The following RBL2 variants were observed in gnomAD, a reference collection of about 807,000 sequenced individuals.
The protein encoded by RBL2 is RB transcriptional corepressor like 2, also known as retinoblastoma-like protein 2.
In RBL2, 56 loss-of-function variants were observed where a neutral mutation model predicts 126.0. That is an observed-to-expected ratio of 0.44 (90% CI 0.36 to 0.56). RBL2 has a LOEUF of 0.56. RBL2 is among the 20% of genes least tolerant of loss of function. The pLI, the probability that RBL2 is intolerant of heterozygous loss-of-function variation, is 0.00. For missense variants in RBL2, 1,229 were observed against 1,398.2 expected (o/e 0.88, Z 1.93); for synonymous variants, 454 against 478.5 (o/e 0.95, Z 0.67).
intron 17 of RBL2, among the ~76,000 whole-genome samples, chr16:53,478,777 A>G (rs1289215179): frequency 1.3e-5 from 2 of 152,044 alleles, no homozygotes; most frequent in African/African-American, 4.8e-5. Context: ...ATGTGCCACC[A>G]TGCCCGGCTA....
At chr16:53,457,277 T>TTTTTTTTTTTTTTTTTTTTTTTTG (rs1213898728) in intron 8 of RBL2, among the ~76,000 whole-genome samples, 2 of 139,878 alleles carry the variant, frequency 1.4e-5, no homozygotes, top group African/African-American at 2.7e-5. Flanking sequence ...TTTTTTTTTT[T>TTTTTTTTTTTTTTTTTTTTTTTTG]GAGATGGAGT....
In RBL2 at chr16:53,472,142, A is replaced by C. The variant is rs541712774; in HGVS notation, c.2703+1220A>C. On this transcript the variant is annotated intron_variant, in intron 17 of 21. Coordinates refer to ENST00000262133, the MANE Select transcript of RBL2 (RefSeq NM_005611.4). ...GATATTCCATTGTATGGATAGGCAC[A>C]ATTTTTTTCTCCACTCATACACTGA... is the stretch of plus-strand genomic sequence containing the variant. Among the ~76,000 whole-genome samples the C allele has an allele frequency of 2.6e-5, 4 of 152,234 alleles. No homozygotes were observed. The East Asian group carries it at 7.7e-4, about 29-fold the overall frequency.
At position 53,477,285 on chromosome 16, in the gene RBL2, G is replaced by A. The variant is rs182540359; in HGVS notation, c.2704-1869G>A. ...AGTAGCAGAAAGGAAAGGAGTGTAA[G>A]TATGTATTTAAAACTTTTGCTCTAG... On this transcript the variant is annotated intron_variant, in intron 17 of 21. Coordinates refer to ENST00000262133, the MANE Select transcript of RBL2 (RefSeq NM_005611.4). Among the ~76,000 whole-genome samples, 240 of 152,280 alleles carry A rather than the reference G, an allele frequency of 1.6e-3. 1 individual carries two copies. Among genetic ancestry groups the A allele is most frequent in the Non-Finnish European group, 2.4e-3 (164 of 68,028 alleles).
intron 8 of RBL2, 145 bp downstream of exon 8, chr16:53,454,987 G>T: frequency 1.6e-6 from 1 of 615,812 alleles, no homozygotes; most frequent in Non-Finnish European, 2.5e-6. Flanking sequence ...AATTGAAAAA[G>T]GTATCTCTAT....
chr16:53,483,183 A>G (rs1961024361), intron 21 of RBL2, among the ~76,000 whole-genome samples: 1 of 151,952 alleles, frequency 6.6e-6, no homozygotes, highest in Non-Finnish European at 1.5e-5. Flanking sequence ...AGTGAAAGCA[A>G]CTCTTAGACA....
intron 11 of RBL2, among the ~76,000 whole-genome samples, chr16:53,463,619 A>T (rs1598110466): frequency 8.4e-6 from 1 of 119,742 alleles, no homozygotes; most frequent in Non-Finnish European, 1.6e-5. Context: ...CTCAGGCTGG[A>T]GTGCAGTGGT....
At chr16:53,437,767 C>CCTG (rs2057972898) in intron 1 of RBL2, among the ~76,000 whole-genome samples, 1 of 151,924 alleles carries the variant, frequency 6.6e-6, no homozygotes, top group Non-Finnish European at 1.5e-5. Context: ...GGGGCTCACG[C>CCTG]CTGTAATCCC....
intron 17 of RBL2, among the ~76,000 whole-genome samples, chr16:53,474,376 G>T (rs1960641951): frequency 6.6e-6 from 1 of 152,038 alleles, no homozygotes; most frequent in Non-Finnish European, 1.5e-5. Context: ...GAGTGCAGTG[G>T]CGAGATCTTG....
Position 53,491,015 on chromosome 16 carries a change from T to G in RBL2, c.*715T>G, listed in dbSNP as rs1323410010. ...TGATAGCACTTTCTACAATGTGAAC[T>G]TTATTAAATACAAAACTTCCAGGCT... is the stretch of plus-strand genomic sequence containing the variant. On this transcript the variant is annotated 3_prime_UTR_variant, in exon 22 of 22. Transcript: ENST00000262133. 1 of 152,672 alleles carries G rather than the reference T, an allele frequency of 6.5e-6. No individual in the cohort carries two copies. Among genetic ancestry groups the G allele is most frequent in the East Asian group, 1.9e-4 (1 of 5,206 alleles). The allele number at this position is 152,672 out of a possible 1,614,324, so 9.5% of individuals were successfully genotyped here. A position where few individuals can be genotyped will look rare whatever the true frequency, so the allele number is the denominator to read the frequency against.
At chr16:53,437,167 G>A (rs1428142663) in intron 1 of RBL2, among the ~76,000 whole-genome samples, 1 of 151,600 alleles carries the variant, frequency 6.6e-6, no homozygotes, top group Non-Finnish European at 1.5e-5. Context: ...TGCTGTGACC[G>A]ACTTAACTTT....
intron 3 of RBL2, among the ~76,000 whole-genome samples, chr16:53,446,281 T>C (rs2058061297): frequency 6.6e-6 from 1 of 152,164 alleles, no homozygotes; most frequent in Admixed American, 6.5e-5. Context: ...AAGTACAGTA[T>C]TGTACCCAAG....
chr16:53,442,728 C>T lies in RBL2; in HGVS notation c.442C>T (p.Arg148Cys), dbSNP rs764676232. 50 of 1,613,522 alleles carry T rather than the reference C, an allele frequency of 3.1e-5. No homozygotes were observed. The highest frequency in any genetic ancestry group is 9.3e-5 in the African/African-American group (7 of 74,896). ...AAATCTACCCCCACATTTCAGAGAA[C>T]GTACTGAGAGATTAGAAAGAAACTT... ...MANLPPHFRE[R>C]TERLERNFTV... The change falls in exon 3 of 22, where the codon CGT (arginine) becomes TGT (cysteine). Residue 148 changes from arginine to cysteine, a missense_variant. Around this residue, in one of 2 missense-constraint regions of RBL2, gnomAD observed 1,070 missense variants for 1,274.3 expected, o/e 0.84. Coordinates refer to ENST00000262133, the MANE Select transcript of RBL2 (RefSeq NM_005611.4).
At chr16:53,460,722 A>C (rs963327164) in intron 9 of RBL2, among the ~76,000 whole-genome samples, 1 of 152,124 alleles carries the variant, frequency 6.6e-6, no homozygotes, top group Non-Finnish European at 1.5e-5. Flanking sequence ...TCCCAGAAAA[A>C]TTCTGCTTGT....
In RBL2 at chr16:53,458,791, G is replaced by T. The variant is rs2058191816; in HGVS notation, c.1180-660G>T. On this transcript the variant is annotated intron_variant, in intron 8 of 21. Coordinates refer to ENST00000262133, the MANE Select transcript of RBL2 (RefSeq NM_005611.4). ...AAGCAAAAGTGGAAACCCCTGATAAGGCCGTCAGATCTCGCGAGACGTATT... is the reference window on the plus strand; with the variant it reads ...AAGCAAAAGTGGAAACCCCTGATAATGCCGTCAGATCTCGCGAGACGTATT... 2.0e-5 allele frequency among the ~76,000 whole-genome samples: 3 copies of T among 152,138 alleles called. No individual in the cohort carries two copies. In the East Asian group the frequency reaches 5.8e-4, roughly 29 times the overall value.
chr16:53,480,423 C>A, intron 19 of RBL2, 144 bp from the exon 20 acceptor site: 1 of 702,150 alleles, frequency 1.4e-6, no homozygotes, highest in South Asian at 1.9e-5. Context: ...CTGAGCTTTG[C>A]TTTTTGGTGT....
At chr16:53,454,101 G>A (rs963838556) in intron 7 of RBL2, 1 of 406,832 alleles carries the variant, frequency 2.5e-6, no homozygotes, top group African/African-American at 2.1e-5. Context: ...CTTCTCACCG[G>A]AAGTTGCACC....
rs929653861 is a variant in RBL2, at chr16:53,490,645, G to A, written c.*345G>A. ...AGGCTTCTGTTGACGTACTCCAACA[G>A]AAGAACTGTGTTTCAAGTTCAATCC... On this transcript the variant is annotated 3_prime_UTR_variant, in exon 22 of 22. Coordinates refer to ENST00000262133, the MANE Select transcript of RBL2 (RefSeq NM_005611.4). 7.7e-5 allele frequency: 14 copies of A among 182,506 alleles called. No individual in the cohort carries two copies. The East Asian group carries it at 1.9e-3, about 25-fold the overall frequency. The allele number at this position is 182,506 out of a possible 1,614,324, so 11.3% of individuals were successfully genotyped here. A position where few individuals can be genotyped will look rare whatever the true frequency, so the allele number is the denominator to read the frequency against.
intron 9 of RBL2, among the ~76,000 whole-genome samples, chr16:53,460,915 G>A (rs1303296277): frequency 1.3e-5 from 2 of 152,124 alleles, no homozygotes; most frequent in Admixed American, 1.3e-4. Flanking sequence ...CTTCTGGATT[G>A]AACATATATT....
At chr16:53,480,148 C>G in intron 19 of RBL2, 157 bp downstream of exon 19, 1 of 591,686 alleles carries the variant, frequency 1.7e-6, no homozygotes, top group Non-Finnish European at 3.0e-6. Flanking sequence ...GCAAAACTGT[C>G]CATTACATAG....
Sources: gnomAD v4.1 joint callset for allele counts (sites outside exome capture counted in the v4.1 genomes callset) on GRCh38, gnomAD v4.1.1 for gene constraint, gnomAD v4.1.1 regional missense constraint, MANE v1.5 for transcripts, NCBI Gene and HGNC (gene_info 2026-07-23, HGNC 2026-07-21) for gene names.